Variants in PCDH15 observed in about 807,000 individuals in gnomAD.
PCDH15 encodes the protein protocadherin-15.
A neutral mutation model predicts 178.5 loss-of-function variants in PCDH15; 129 were observed. That is an observed-to-expected ratio of 0.72 (90% CI 0.63 to 0.84). The LOEUF (loss-of-function observed/expected upper bound fraction) is 0.84, where lower values mean the gene tolerates loss of function less well. Ranked by LOEUF, PCDH15 falls within the 40% of genes least tolerant of loss-of-function variation. The pLI is 0.00. For synonymous variants in PCDH15, 800 were observed against 732.0 expected (o/e 1.09, Z -1.50); for missense variants, 2,230 against 2,099.9 (o/e 1.06, Z -1.21).
At chr10:55,335,957 C>CTG (rs1034789191) in intron 2 of PCDH15, among the ~76,000 whole-genome samples, 8 of 151,820 alleles carry the variant, frequency 5.3e-5, no homozygotes, top group South Asian at 2.1e-4. Flanking sequence ...TTTTGTTGAT[C>CTG]TGTGTACCAC....
At chr10:54,641,930 T>C (rs2134982761) in intron 2 of PCDH15, among the ~76,000 whole-genome samples, 1 of 152,234 alleles carries the variant, frequency 6.6e-6, no homozygotes, top group African/African-American at 2.4e-5. Context: ...ATTATTATCA[T>C]TGGCTAACAA....
intron 2 of PCDH15, among the ~76,000 whole-genome samples, chr10:55,327,023 A>G (rs541051735): frequency 4.6e-5 from 7 of 152,290 alleles, no homozygotes; most frequent in Admixed American, 4.6e-4. Context: ...GTTGCTGTGG[A>G]ATGACTGTTT....
At chr10:54,570,816 T>TA (rs35416893) in intron 2 of PCDH15, among the ~76,000 whole-genome samples, 134,534 of 147,868 alleles carry the variant, frequency 0.91, 61,459 homozygotes, top group Middle Eastern at 0.96. Context: ...CACGCCTGGC[T>TA]ATTTTTTTTT....
Position 54,950,653 on chromosome 10 carries a change from C to T in PCDH15, c.-79-53153G>A, listed in dbSNP as rs373777991. 9.9e-5 allele frequency among the ~76,000 whole-genome samples: 15 copies of T among 151,948 alleles called. No homozygotes were observed. In the East Asian group the frequency reaches 2.3e-3, roughly 24 times the overall value. On this transcript the variant is annotated intron_variant, in intron 2 of 5. Transcript: ENST00000458638. ...GAGAAGAGACTAATACAAGAATGAA[C>T]ACAGGAGGAACTACCCTTTATAAAA...
Position 54,214,016 on chromosome 10 carries a change from T to A in PCDH15, c.1018A>T (p.Met340Leu). The A allele has an allele frequency of 6.2e-7, 1 of 1,610,806 alleles. No individual in the cohort carries two copies. The highest frequency in any genetic ancestry group is 1.1e-5 in the South Asian group (1 of 91,016). ...TPEDYPRFFH[M>L]HPRTAELSLL... ...CTAAGTTCTGCTGTCCTAGGATGCA[T>A]ATGGAAAAATCGTGGGTAATCCTCA... The change falls in exon 10 of 38, where the codon ATG becomes TTG. Residue 340 changes from methionine to leucine, a missense_variant. Met to Leu is a conservative substitution (Grantham distance 15). Coordinates refer to ENST00000644397, the MANE Select transcript of PCDH15 (RefSeq NM_001384140.1).
At chr10:54,272,877 T>C (rs1042060740) in intron 8 of PCDH15, among the ~76,000 whole-genome samples, 6 of 152,150 alleles carry the variant, frequency 3.9e-5, no homozygotes, top group African/African-American at 1.2e-4. Context: ...ACGAAAAGTG[T>C]TCTTGAAAAA....
At chr10:54,409,340 C>G (rs1199153488) in intron 3 of PCDH15, among the ~76,000 whole-genome samples, 1 of 152,128 alleles carries the variant, frequency 6.6e-6, no homozygotes, top group African/African-American at 2.4e-5. Flanking sequence ...TTCTTCCACC[C>G]TTTCAATCAT....
At chr10:55,143,180 T>C (rs1016361907) in intron 2 of PCDH15, among the ~76,000 whole-genome samples, 1 of 145,118 alleles carries the variant, frequency 6.9e-6, no homozygotes, top group Admixed American at 7.1e-5. Flanking sequence ...CCTAGCCATA[T>C]TGAACTCTGA....
At chr10:54,665,272 T>C (rs1267839082) in intron 1 of PCDH15, among the ~76,000 whole-genome samples, 1 of 152,030 alleles carries the variant, frequency 6.6e-6, no homozygotes, top group Non-Finnish European at 1.5e-5. Flanking sequence ...GATGTGGCAA[T>C]GCAAGCCAGT....
intron 8 of PCDH15, among the ~76,000 whole-genome samples, chr10:54,294,906 C>T (rs1256824052): frequency 1.3e-5 from 2 of 152,262 alleles, no homozygotes; most frequent in East Asian, 3.9e-4. Context: ...ATATCTGAGA[C>T]ATGCTTCAAG....
intron 1 of PCDH15, among the ~76,000 whole-genome samples, chr10:54,727,555 CA>C (rs1215707791): frequency 6.6e-6 from 1 of 151,274 alleles, no homozygotes; most frequent in African/African-American, 2.4e-5. Context: ...AAGAGCAAAC[CA>C]ATCCCATAGA....
At chr10:54,575,544 A>G (rs548769603) in intron 2 of PCDH15, among the ~76,000 whole-genome samples, 2 of 152,224 alleles carry the variant, frequency 1.3e-5, no homozygotes, top group African/African-American at 2.4e-5. Flanking sequence ...TGGGAAATAA[A>G]ATATTTCCAT....
At chr10:55,511,986 T>C (rs1840895017) in intron 2 of PCDH15, among the ~76,000 whole-genome samples, 1 of 152,074 alleles carries the variant, frequency 6.6e-6, no homozygotes, top group Non-Finnish European at 1.5e-5. Context: ...TTGTGGTTAG[T>C]GTTCTTATTA....
intron 1 of PCDH15, among the ~76,000 whole-genome samples, chr10:55,174,367 T>G (rs947504464): frequency 3.9e-5 from 6 of 152,074 alleles, no homozygotes; most frequent in African/African-American, 1.2e-4. Context: ...AGTGAGAACT[T>G]CTATCCTCAT....
intron 3 of PCDH15, among the ~76,000 whole-genome samples, chr10:54,395,857 A>C (rs1951148408): frequency 6.6e-6 from 1 of 152,206 alleles, no homozygotes; most frequent in Non-Finnish European, 1.5e-5. Flanking sequence ...ATAAATGTTC[A>C]ATGTATTATT....
intron 32 of PCDH15, among the ~76,000 whole-genome samples, chr10:53,820,717 A>AAAGT (rs1183576550): frequency 4.6e-4 from 70 of 152,070 alleles, no homozygotes; most frequent in African/African-American, 1.6e-3. Flanking sequence ...ACTAATATTG[A>AAAGT]AAGTATAGTT....
chr10:54,906,335 TA>T (rs1322651772), intron 2 of PCDH15, among the ~76,000 whole-genome samples: 5 of 152,248 alleles, frequency 3.3e-5, no homozygotes, highest in African/African-American at 9.6e-5. Flanking sequence ...TCGATTAGAT[TA>T]TTTTTTTATT....
At chr10:55,599,100 CA>C (rs1290507070) in intron 2 of PCDH15, among the ~76,000 whole-genome samples, 4 of 152,136 alleles carry the variant, frequency 2.6e-5, no homozygotes, top group African/African-American at 7.2e-5. Flanking sequence ...CACCAAAAAG[CA>C]AAGACAAATC....
intron 10 of PCDH15, among the ~76,000 whole-genome samples, chr10:54,202,231 T>G (rs1016934563): frequency 6.6e-6 from 1 of 152,172 alleles, no homozygotes; most frequent in African/African-American, 2.4e-5. Flanking sequence ...TAATTTAATT[T>G]ACTTGCTTTA....
Sources: allele counts gnomAD v4.1 joint callset (sites outside exome capture counted in the v4.1 genomes callset), GRCh38; gene constraint gnomAD v4.1.1; transcripts MANE v1.5; gene names NCBI Gene and HGNC (gene_info 2026-07-23, HGNC 2026-07-21).